The following PPCDC variants were observed in gnomAD, a reference collection of about 807,000 sequenced individuals.
The protein encoded by PPCDC is phosphopantothenoylcysteine decarboxylase.
Under a neutral mutation model 20.7 loss-of-function variants are expected in PPCDC, and 20 were observed. The observed-to-expected ratio is 0.97, with a 90% CI of 0.68 to 1.41. The LOEUF (loss-of-function observed/expected upper bound fraction) is 1.41. PPCDC is among the 40% of genes most tolerant of loss of function. The probability of loss-of-function intolerance (pLI) is 0.00; values close to 1 mark genes in which losing one functional copy is unlikely to be tolerated. For missense variants in PPCDC, 246 were observed against 263.8 expected, an observed-to-expected ratio of 0.93 and a Z score of 0.47; for synonymous variants, 88 against 100.3, an observed-to-expected ratio of 0.88 and a Z score of 0.73.
chr15:75,031,200 C>CT (rs1199785045), intron 2 of PPCDC, among the ~76,000 whole-genome samples: 1 of 152,140 alleles, frequency 6.6e-6, no homozygotes, highest in Non-Finnish European at 1.5e-5. Flanking sequence ...GCAAAAAGGA[C>CT]TAGGACCCAA....
chr15:75,047,455 C>G (rs1476079664), intron 4 of PPCDC, among the ~76,000 whole-genome samples: 1 of 152,220 alleles, frequency 6.6e-6, no homozygotes, highest in Non-Finnish European at 1.5e-5. Flanking sequence ...TGGACTCCTT[C>G]GCTCTTTTCC....
chr15:75,024,066 G>A (rs1400822050), intron 1 of PPCDC, among the ~76,000 whole-genome samples: 2 of 152,222 alleles, frequency 1.3e-5, no homozygotes, highest in Non-Finnish European at 2.9e-5. Flanking sequence ...GTTGGAAGTA[G>A]CCCTAGGCCT....
At chr15:75,037,978 A>G (rs2066106455) in intron 2 of PPCDC, among the ~76,000 whole-genome samples, 1 of 152,134 alleles carries the variant, frequency 6.6e-6, no homozygotes, top group South Asian at 2.1e-4. Context: ...ATTTATCAAA[A>G]AGGTGAAGGA....
intron 2 of PPCDC, among the ~76,000 whole-genome samples, chr15:75,031,914 C>T (rs571371668): frequency 1.4e-3 from 210 of 152,104 alleles, no homozygotes; most frequent in Non-Finnish European, 2.2e-3. Context: ...AGGAATTATA[C>T]GGTCTTGTTA....
intron 2 of PPCDC, among the ~76,000 whole-genome samples, chr15:75,034,881 G>A (rs984899914): frequency 2.6e-5 from 4 of 152,152 alleles, no homozygotes; most frequent in African/African-American, 9.7e-5. Context: ...GCTAGTTCCA[G>A]TTGGGCTCTT....
intron 2 of PPCDC, among the ~76,000 whole-genome samples, chr15:75,041,985 C>G (rs1307603739): frequency 6.6e-6 from 1 of 152,242 alleles, no homozygotes; most frequent in Non-Finnish European, 1.5e-5. Context: ...CCACGTCGCT[C>G]TCACGTAGGA....
intron 3 of PPCDC, 88 bp downstream of exon 3, chr15:75,043,624 T>C (rs2066183715): frequency 1.7e-6 from 2 of 1,192,622 alleles, no homozygotes; most frequent in Non-Finnish European, 2.4e-6. Flanking sequence ...GTCTGGCAGC[T>C]GGAACAGACA....
chr15:75,043,158 G>A (rs1222110285), intron 2 of PPCDC: 4 of 325,574 alleles, frequency 1.2e-5, no homozygotes, highest in African/African-American at 2.2e-5. Context: ...TGCCCGAGTG[G>A]CAGGAGCTTG....
chr15:75,040,456 C>T (rs2066139031), intron 2 of PPCDC, among the ~76,000 whole-genome samples: 1 of 152,130 alleles, frequency 6.6e-6, no homozygotes, highest in African/African-American at 2.4e-5. Flanking sequence ...TAACTAAAAG[C>T]TTTTTCTTCT....
At chr15:75,030,877 C>T (rs1308432598) in intron 2 of PPCDC, among the ~76,000 whole-genome samples, 4 of 152,056 alleles carry the variant, frequency 2.6e-5, no homozygotes, top group African/African-American at 9.7e-5. Flanking sequence ...CCGGGAAAGC[C>T]GCTAATGTCA....
intron 2 of PPCDC, among the ~76,000 whole-genome samples, chr15:75,037,867 T>C (rs982516363): frequency 6.6e-6 from 1 of 152,136 alleles, no homozygotes; most frequent in African/African-American, 2.4e-5. Context: ...TCTCCTGTCC[T>C]GGGCAAGTTC....
At chr15:75,034,840 C>T (rs1447105680) in intron 2 of PPCDC, among the ~76,000 whole-genome samples, 3 of 152,178 alleles carry the variant, frequency 2.0e-5, no homozygotes, top group Admixed American at 6.5e-5. Flanking sequence ...TCACGCCCTA[C>T]TAGAAACGCC....
At chr15:75,041,920 C>A (rs2066157383) in intron 2 of PPCDC, among the ~76,000 whole-genome samples, 1 of 152,164 alleles carries the variant, frequency 6.6e-6, no homozygotes, top group African/African-American at 2.4e-5. Flanking sequence ...GGAATGAGGA[C>A]AAGGTGGAAT....
intron 1 of PPCDC, among the ~76,000 whole-genome samples, chr15:75,024,132 C>T (rs1258702685): frequency 6.6e-6 from 1 of 152,212 alleles, no homozygotes; most frequent in Non-Finnish European, 1.5e-5. Context: ...CAGAAAAGAA[C>T]TTCCTGCTGT....
intron 3 of PPCDC, 163 bp downstream of exon 3, chr15:75,043,699 C>G: frequency 1.5e-6 from 1 of 650,360 alleles, no homozygotes; most frequent in South Asian, 2.0e-5. Flanking sequence ...ATCTGTCTAG[C>G]TTCTGGCCTG....
chr15:75,029,970 G>A (rs969627537), intron 2 of PPCDC, among the ~76,000 whole-genome samples: 21 of 152,170 alleles, frequency 1.4e-4, no homozygotes, highest in African/African-American at 4.6e-4. Context: ...AGCGTTTGGT[G>A]GGAGGGGGGT....
intron 2 of PPCDC, among the ~76,000 whole-genome samples, chr15:75,038,529 GAAT>G (rs1446098072): frequency 6.6e-6 from 1 of 152,146 alleles, no homozygotes; most frequent in Non-Finnish European, 1.5e-5. Flanking sequence ...GCATGAATGA[GAAT>G]AATTTTTTTG....
At chr15:75,043,101 G>C (rs1356472128) in intron 2 of PPCDC, among the ~76,000 whole-genome samples, 3 of 152,254 alleles carry the variant, frequency 2.0e-5, no homozygotes, top group African/African-American at 7.2e-5. Context: ...CCCTGGCCTT[G>C]ACTTCCTTTC....
intron 2 of PPCDC, among the ~76,000 whole-genome samples, chr15:75,035,803 C>G (rs538330588): frequency 1.3e-5 from 2 of 152,112 alleles, no homozygotes; most frequent in East Asian, 3.9e-4. Flanking sequence ...ACTCTTTCTA[C>G]TAGAAATACA....
Sources: allele counts gnomAD v4.1 joint callset (sites outside exome capture counted in the v4.1 genomes callset), GRCh38; gene constraint gnomAD v4.1.1; transcripts MANE v1.5; gene names NCBI Gene and HGNC (gene_info 2026-07-23, HGNC 2026-07-21).